The following SVIL variants were observed in gnomAD, a reference collection of about 807,000 sequenced individuals.
SVIL encodes supervillin.
SVIL carries 101 observed loss-of-function variants against 240.4 expected under a neutral mutation model. The ratio of observed to expected loss-of-function variants is 0.42; its 90% CI spans 0.36 to 0.50. The LOEUF (loss-of-function observed/expected upper bound fraction) is 0.50, where lower values mean the gene tolerates loss of function less well. Ranked by LOEUF, SVIL falls within the 20% of genes least tolerant of loss-of-function variation. The pLI is 0.01. For synonymous variants in SVIL, 999 were observed against 1,100.0 expected (o/e 0.91, Z 1.82); for missense variants, 2,512 against 2,818.7 (o/e 0.89, Z 2.46).
At chr10:29,516,684 G>A (rs1950223042) in intron 16 of SVIL, among the ~76,000 whole-genome samples, 1 of 152,244 alleles carries the variant, frequency 6.6e-6, no homozygotes, top group South Asian at 2.1e-4. Context: ...GGCTAGGCCT[G>A]GGCTGTGTGA....
At chr10:29,604,152 T>C (rs1956920813) in intron 1 of SVIL, among the ~76,000 whole-genome samples, 1 of 152,084 alleles carries the variant, frequency 6.6e-6, no homozygotes, top group Admixed American at 6.6e-5. Context: ...CACATACCTT[T>C]TATTACAGTA....
chr10:29,658,698 G>A (rs1809266465), intron 2 of SVIL, among the ~76,000 whole-genome samples: 1 of 152,226 alleles, frequency 6.6e-6, no homozygotes, highest in Non-Finnish European at 1.5e-5. Flanking sequence ...TAAGGCTGCA[G>A]TGAGCCATGT....
intron 1 of SVIL, among the ~76,000 whole-genome samples, chr10:29,584,451 G>T (rs1334530882): frequency 6.6e-6 from 1 of 152,196 alleles, no homozygotes; most frequent in African/African-American, 2.4e-5. Flanking sequence ...GGTCTGGACT[G>T]TTTGTTTTGG....
At chr10:29,586,934 T>C (rs891965537) in intron 1 of SVIL, among the ~76,000 whole-genome samples, 1 of 152,148 alleles carries the variant, frequency 6.6e-6, no homozygotes, top group South Asian at 2.1e-4. Flanking sequence ...GAAAAATAAC[T>C]AATGGGTACT....
At chr10:29,655,693 G>T (rs935900255) in intron 3 of SVIL, among the ~76,000 whole-genome samples, 9 of 152,134 alleles carry the variant, frequency 5.9e-5, no homozygotes, top group African/African-American at 2.2e-4. Flanking sequence ...AAAATTTACT[G>T]TTCACAAATA....
At chr10:29,519,015 C>T (rs1040735585) in intron 16 of SVIL, among the ~76,000 whole-genome samples, 1 of 152,122 alleles carries the variant, frequency 6.6e-6, no homozygotes, top group African/African-American at 2.4e-5. Flanking sequence ...ACAGACCTGC[C>T]CTCCTTAGTG....
At chr10:29,647,323 TTC>T (rs1958692264) in intron 3 of SVIL, 1 of 152,158 alleles carries the variant, frequency 6.6e-6, no homozygotes, top group Non-Finnish European at 1.5e-5. Flanking sequence ...TTTTCTTGCT[TTC>T]TTTTTCTTTT....
chr10:29,535,136 G>A (rs1317822559), intron 7 of SVIL, among the ~76,000 whole-genome samples: 2 of 152,020 alleles, frequency 1.3e-5, no homozygotes. Flanking sequence ...TTTAACGTAC[G>A]AGGCAGTGTA....
At chr10:29,686,144 CTG>C (rs1406841412) in intron 2 of SVIL, among the ~76,000 whole-genome samples, 1 of 152,166 alleles carries the variant, frequency 6.6e-6, no homozygotes, top group East Asian at 1.9e-4. Context: ...AAAAAATAAA[CTG>C]ATACTTTCAG....
At chr10:29,605,020 T>C (rs1956967459) in intron 1 of SVIL, among the ~76,000 whole-genome samples, 1 of 152,228 alleles carries the variant, frequency 6.6e-6, no homozygotes, top group South Asian at 2.1e-4. Context: ...TACTGTTATT[T>C]GTTTCTTGTT....
intron 1 of SVIL, among the ~76,000 whole-genome samples, chr10:29,623,702 A>G (rs921603479): frequency 3.9e-5 from 6 of 152,188 alleles, no homozygotes; most frequent in African/African-American, 1.4e-4. Flanking sequence ...TACAAAAAAA[A>G]TTAGCCAGGC....
intron 1 of SVIL, among the ~76,000 whole-genome samples, chr10:29,695,776 C>T (rs1370989245): frequency 6.6e-6 from 1 of 150,978 alleles, no homozygotes; most frequent in Non-Finnish European, 1.5e-5. Flanking sequence ...ATAAGATGTA[C>T]AAACAGCTCC....
chr10:29,717,013 A>G (rs572945872), intron 1 of SVIL, among the ~76,000 whole-genome samples: 4 of 152,200 alleles, frequency 2.6e-5, no homozygotes, highest in African/African-American at 7.2e-5. Context: ...GGTGGATCAC[A>G]AGGTCAGAGA....
At chr10:29,488,065 C>T (rs1211609584) in intron 23 of SVIL, among the ~76,000 whole-genome samples, 31 of 152,230 alleles carry the variant, frequency 2.0e-4, no homozygotes, top group Non-Finnish European at 4.3e-4. Context: ...CGCCCTGGTT[C>T]ATCTTTGGAA....
At chr10:29,711,179 C>T (rs1490037577) in intron 1 of SVIL, among the ~76,000 whole-genome samples, 4 of 152,068 alleles carry the variant, frequency 2.6e-5, no homozygotes, top group African/African-American at 9.7e-5. Context: ...GAGGGCAGAT[C>T]ACCTGAAGTC....
intron 1 of SVIL, among the ~76,000 whole-genome samples, chr10:29,621,662 C>T (rs902519833): frequency 6.6e-6 from 1 of 152,348 alleles, no homozygotes; most frequent in South Asian, 2.1e-4. Flanking sequence ...ACCACATGGG[C>T]TGTGGGCCCA....
chr10:29,697,380 G>T (rs1311043983), intron 1 of SVIL, among the ~76,000 whole-genome samples: 2 of 87,088 alleles, frequency 2.3e-5, no homozygotes, highest in African/African-American at 1.0e-4. Context: ...AGAAAAGGGG[G>T]CAAGGTGGGG....
intron 1 of SVIL, among the ~76,000 whole-genome samples, chr10:29,599,613 C>T (rs1327960737): frequency 2.6e-5 from 4 of 152,030 alleles, no homozygotes; most frequent in East Asian, 1.9e-4. Context: ...GACGGGGTTT[C>T]GCCATGTTAG....
At chr10:29,577,985 G>A (rs750643339) in intron 1 of SVIL, among the ~76,000 whole-genome samples, 24 of 152,196 alleles carry the variant, frequency 1.6e-4, no homozygotes, top group African/African-American at 4.1e-4. Context: ...ACCCAGTTGC[G>A]TATACATTTA....
Sources: allele counts gnomAD v4.1 joint callset (sites outside exome capture counted in the v4.1 genomes callset), GRCh38; gene constraint gnomAD v4.1.1; transcripts MANE v1.5; gene names NCBI Gene and HGNC (gene_info 2026-07-23, HGNC 2026-07-21).